Variants in NF1 observed in about 807,000 individuals in gnomAD.
NF1 encodes neurofibromin 1, also known as neurofibromin.
In NF1, 122 loss-of-function variants were observed where a neutral mutation model predicts 325.7. The observed-to-expected ratio is 0.37, with a 90% CI of 0.32 to 0.44. The LOEUF is 0.44. Ranked by LOEUF, NF1 falls within the 20% of genes least tolerant of loss-of-function variation. NF1 has a pLI of 1.00. For synonymous variants in NF1, 1,091 were observed against 1,186.0 expected (o/e 0.92, Z 1.65); for missense variants, 2,140 against 3,415.4 (o/e 0.63, Z 9.31).
rs544700496 is a variant in NF1, at chr17:31,265,400, G to A, written c.4835+61G>A. The stretch of plus-strand genomic sequence containing the variant: ...TTTTTTAAATTATAGCAAATATAGA[G>A]AGATGGCAAGTTTGGTTTTTCCCAG... On this transcript the variant is annotated intron_variant, in intron 36 of 57. Transcript: ENST00000358273. 15 of 1,250,784 alleles carry A rather than the reference G, an allele frequency of 1.2e-5. No homozygotes were observed. The African/African-American group carries it at 2.2e-4, about 19-fold the overall frequency. The allele number at this position is 1,250,784 out of a possible 1,614,324, so 77.5% of individuals were successfully genotyped here.
intron 3 of NF1, among the ~76,000 whole-genome samples, chr17:31,159,698 A>G (rs1338711032): frequency 6.6e-6 from 1 of 152,162 alleles, no homozygotes; most frequent in Non-Finnish European, 1.5e-5. Flanking sequence ...GAGTATTTCT[A>G]TTGTGTAAAG....
intron 33 of NF1, among the ~76,000 whole-genome samples, chr17:31,259,407 G>A (rs2151463518): frequency 6.6e-6 from 1 of 152,266 alleles, no homozygotes; most frequent in East Asian, 1.9e-4. Flanking sequence ...GGTACAATAT[G>A]TGGACAAGGA....
At chr17:31,358,204 G>A (rs1003148647) in intron 54 of NF1, 2 of 478,092 alleles carry the variant, frequency 4.2e-6, no homozygotes, top group East Asian at 4.0e-5. Context: ...AACATTTACC[G>A]TATATGGTTA....
intron 36 of NF1, among the ~76,000 whole-genome samples, chr17:31,293,495 CTAGACA>C (rs1203724402): frequency 6.6e-6 from 1 of 152,140 alleles, no homozygotes; most frequent in Non-Finnish European, 1.5e-5. Flanking sequence ...AGCCACTGTA[CTAGACA>C]GCATGAAAGA....
chr17:31,251,830 C>T (rs2067498939), intron 30 of NF1: 1 of 213,022 alleles, frequency 4.7e-6, no homozygotes, highest in African/African-American at 2.3e-5. Flanking sequence ...TGTAGGTACA[C>T]AGTAACTCTT....
In NF1 at chr17:31,305,581, A is replaced by G. The variant is rs903105392; in HGVS notation, c.4836-20239A>G. On this transcript the variant is annotated intron_variant, in intron 36 of 57. Coordinates refer to ENST00000358273, the MANE Select transcript of NF1 (RefSeq NM_001042492.3). ...TGTATTGTTCAGGTGTCCACAAAAC[A>G]AAATTAAGATGAAATATTTGGGATC... 3.7e-6 allele frequency: 6 copies of G among 1,613,134 alleles called. No homozygotes were observed. In the African/African-American group the frequency reaches 4.0e-5, roughly 11 times the overall value.
intron 35 of NF1, among the ~76,000 whole-genome samples, chr17:31,263,304 A>T (rs1340097242): frequency 6.6e-6 from 1 of 151,960 alleles, no homozygotes; most frequent in African/African-American, 2.4e-5. Flanking sequence ...ACCAGGTGTG[A>T]TGGTACGCAC....
At position 31,229,303 on chromosome 17, in the gene NF1, T is replaced by A. The variant is rs1216596678; in HGVS notation, c.2688T>A (p.Asp896Glu). The A allele has an allele frequency of 6.2e-7, 1 of 1,613,942 alleles. No homozygotes were observed. Among genetic ancestry groups the A allele is most frequent in the South Asian group, 1.1e-5 (1 of 91,068 alleles). ...NADTPVSKFM[D>E]RLLSLMVCNH... The stretch of plus-strand genomic sequence containing the variant: ...ATACACCTGTCAGCAAATTTATGGA[T>A]CGGCTGTTGTCCTTAATGGTGTGTA... The change falls in exon 21 of 58, where the codon GAT (aspartate) becomes GAA (glutamate). Residue 896 changes from aspartate (D) to glutamate (E), a missense_variant. Around this residue, in one of 10 missense-constraint regions of NF1, gnomAD observed 380 missense variants for 639.3 expected, o/e 0.59. Coordinates refer to ENST00000358273, the MANE Select transcript of NF1 (RefSeq NM_001042492.3).
At chr17:31,193,091 TAGAC>T (rs1182114568) in intron 8 of NF1, among the ~76,000 whole-genome samples, 4 of 152,200 alleles carry the variant, frequency 2.6e-5, no homozygotes, top group Admixed American at 2.0e-4. Context: ...GATGGGGAGA[TAGAC>T]AGATAGGTAT....
chr17:31,272,942 C>G (rs1360426596), intron 36 of NF1, among the ~76,000 whole-genome samples: 2 of 152,082 alleles, frequency 1.3e-5, no homozygotes. Context: ...GACACAAGAC[C>G]TATTTTCTAT....
chr17:31,306,769 G>A (rs577339454), intron 36 of NF1, among the ~76,000 whole-genome samples: 19 of 151,194 alleles, frequency 1.3e-4, no homozygotes, highest in African/African-American at 3.6e-4. Context: ...CCACATTTGT[G>A]TGGAGCTCTG....
chr17:31,095,474 C>T (rs929591601), intron 1 of NF1, 105 bp downstream of exon 1: 2 of 1,131,306 alleles, frequency 1.8e-6, no homozygotes, highest in Non-Finnish European at 2.4e-6. Context: ...GCCTCAGGCT[C>T]TGGAGGAAAG....
chr17:31,209,044 TA>T (rs1567839561), intron 12 of NF1, among the ~76,000 whole-genome samples: 1 of 152,220 alleles, frequency 6.6e-6, no homozygotes, highest in African/African-American at 2.4e-5. Context: ...AACTCTGTTA[TA>T]GGGGGCTGTA....
chr17:31,275,002 A>G (rs2067976355), intron 36 of NF1, among the ~76,000 whole-genome samples: 1 of 152,128 alleles, frequency 6.6e-6, no homozygotes. Flanking sequence ...ATTTCTCATT[A>G]TCTTCTCTTT....
chr17:31,230,184 G>T (rs2151431276), intron 22 of NF1, 76 bp from the exon 23 acceptor site: 1 of 1,529,410 alleles, frequency 6.5e-7, no homozygotes, highest in South Asian at 1.2e-5. Flanking sequence ...CGTTTTACTT[G>T]ATGACTAAAG....
chr17:31,179,305 T>G (rs2066082313), intron 5 of NF1, among the ~76,000 whole-genome samples: 1 of 152,214 alleles, frequency 6.6e-6, no homozygotes, highest in Non-Finnish European at 1.5e-5. Context: ...AGATGTTCTT[T>G]GAAACCAATG....
chr17:31,184,543 G>A (rs1277867644), intron 8 of NF1, among the ~76,000 whole-genome samples: 2 of 150,826 alleles, frequency 1.3e-5, no homozygotes, highest in Non-Finnish European at 3.0e-5. Flanking sequence ...CAGCTACTCC[G>A]GAGGCTGAGG....
At chr17:31,334,446 A>G (rs1166903552) in intron 39 of NF1, among the ~76,000 whole-genome samples, 1 of 152,212 alleles carries the variant, frequency 6.6e-6, no homozygotes, top group Non-Finnish European at 1.5e-5. Flanking sequence ...CTCTACATAA[A>G]TTTGAAAGCC....
At position 31,358,961 on chromosome 17, in the gene NF1, T is replaced by C. The variant is rs1227219218; in HGVS notation, c.8114-8T>C. 6.2e-7 allele frequency: 1 copy of C among 1,612,986 alleles called. No homozygotes were observed. The highest frequency in any genetic ancestry group is 1.1e-5 in the South Asian group (1 of 91,046). ...CTTGTTATAAGAGTAAAATTTGATTTGTTGCAGGTTTTGGTTTTAATGGCT... is the reference window on the plus strand; with the variant it reads ...CTTGTTATAAGAGTAAAATTTGATTCGTTGCAGGTTTTGGTTTTAATGGCT... On this transcript the variant is annotated splice_region_variant and splice_polypyrimidine_tract_variant and intron_variant, in intron 55 of 57. Transcript: ENST00000358273.
Sources: gnomAD v4.1 joint callset for allele counts (sites outside exome capture counted in the v4.1 genomes callset) on GRCh38, gnomAD v4.1.1 for gene constraint, gnomAD v4.1.1 regional missense constraint, MANE v1.5 for transcripts, NCBI Gene and HGNC (gene_info 2026-07-23, HGNC 2026-07-21) for gene names.